The following NKAIN2 variants were observed in gnomAD, a reference collection of about 807,000 sequenced individuals.
NKAIN2 encodes the protein sodium/potassium-transporting ATPase subunit beta-1-interacting protein 2.
A neutral mutation model predicts 32.6 loss-of-function variants in NKAIN2; 14 were observed. The ratio of observed to expected loss-of-function variants is 0.43; its 90% CI spans 0.28 to 0.67. The LOEUF is 0.67. NKAIN2 is among the 30% of genes least tolerant of loss of function. The probability of loss-of-function intolerance (pLI) is 0.17; values close to 1 mark genes in which losing one functional copy is unlikely to be tolerated. For missense variants in NKAIN2, 198 were observed against 258.3 expected (o/e 0.77, Z 1.60); for synonymous variants, 80 against 87.2 (o/e 0.92, Z 0.46).
At chr6:124,460,838 G>A (rs1776503768) in intron 3 of NKAIN2, among the ~76,000 whole-genome samples, 1 of 151,084 alleles carries the variant, frequency 6.6e-6, no homozygotes, top group Non-Finnish European at 1.5e-5. Context: ...TTACCCTTTG[G>A]AATATTTTAT....
intron 3 of NKAIN2, among the ~76,000 whole-genome samples, chr6:124,612,612 T>C (rs1472202227): frequency 5.3e-5 from 8 of 152,220 alleles, no homozygotes; most frequent in African/African-American, 1.9e-4. Flanking sequence ...ACTTACATAT[T>C]GTATGGCTCA....
At chr6:123,959,285 C>T (rs938420142) in intron 1 of NKAIN2, among the ~76,000 whole-genome samples, 1 of 152,122 alleles carries the variant, frequency 6.6e-6, no homozygotes, top group Admixed American at 6.5e-5. Context: ...TCTTTAATAT[C>T]ATGGAGCCAT....
At chr6:123,821,646 G>A (rs1318839044) in intron 1 of NKAIN2, among the ~76,000 whole-genome samples, 4 of 152,262 alleles carry the variant, frequency 2.6e-5, no homozygotes, top group Middle Eastern at 3.4e-3. Context: ...TATACTGTGA[G>A]GGAGGCCTAT....
intron 3 of NKAIN2, among the ~76,000 whole-genome samples, chr6:124,358,936 A>G (rs1319409540): frequency 3.2e-4 from 49 of 150,940 alleles, no homozygotes; most frequent in Non-Finnish European, 6.3e-4. Flanking sequence ...ATCCATCTTG[A>G]ATTAATTTTT....
intron 1 of NKAIN2, among the ~76,000 whole-genome samples, chr6:124,244,170 A>G (rs895359358): frequency 4.9e-4 from 74 of 151,200 alleles, no homozygotes; most frequent in African/African-American, 1.8e-3. Context: ...TACATGTGCC[A>G]TGCTGGTGCG....
chr6:124,778,328 A>G (rs1224450861), intron 4 of NKAIN2, among the ~76,000 whole-genome samples: 1 of 151,964 alleles, frequency 6.6e-6, no homozygotes, highest in East Asian at 1.9e-4. Context: ...TTCTTATAGC[A>G]CTTGATAGCA....
intron 1 of NKAIN2, among the ~76,000 whole-genome samples, chr6:123,869,023 C>T (rs932457700): frequency 6.6e-6 from 1 of 152,180 alleles, no homozygotes; most frequent in South Asian, 2.1e-4. Flanking sequence ...GATTGGTCAT[C>T]TTTAAATCCT....
rs533594070 is a variant in NKAIN2, at chr6:124,299,764, C to T, written c.192+16622C>T. 2.0e-5 allele frequency among the ~76,000 whole-genome samples: 3 copies of T among 152,250 alleles called. 1 individual carries two copies. The South Asian group carries it at 6.2e-4, about 32-fold the overall frequency. Reference sequence around the variant, plus strand: ...TGAATAAGTACAAAAGTTAATTAGACTGAATTTAATTGTTCACTGAATGTT... The same window carrying T: ...TGAATAAGTACAAAAGTTAATTAGATTGAATTTAATTGTTCACTGAATGTT... On this transcript the variant is annotated intron_variant, in intron 2 of 6. Coordinates refer to ENST00000368417, the MANE Select transcript of NKAIN2 (RefSeq NM_001040214.3).
Position 124,054,893 on chromosome 6 carries a change from T to C in NKAIN2, c.55-228112T>C, listed in dbSNP as rs537363164. Among the ~76,000 whole-genome samples, 3 of 152,152 alleles carry C rather than the reference T, an allele frequency of 2.0e-5. No homozygotes were observed. In the East Asian group the frequency reaches 5.8e-4, roughly 29 times the overall value. On this transcript the variant is annotated intron_variant, in intron 1 of 6. Transcript: ENST00000368417. ...TAATCAACACTTCCCAAAGGTTCTA[T>C]CACTTATGATTAAAAGTACCCTGAC...
intron 1 of NKAIN2, among the ~76,000 whole-genome samples, chr6:124,025,793 C>T (rs567951287): frequency 1.3e-5 from 2 of 152,242 alleles, no homozygotes; most frequent in East Asian, 3.9e-4. Context: ...AAGAAAACAA[C>T]ACCTTAGCAT....
intron 1 of NKAIN2, among the ~76,000 whole-genome samples, chr6:123,808,690 A>T (rs571385930): frequency 6.6e-6 from 1 of 152,262 alleles, no homozygotes; most frequent in Non-Finnish European, 1.5e-5. Context: ...GATGGGCAGC[A>T]TTTTTTCTGC....
chr6:124,215,109 A>G (rs1791398849), intron 1 of NKAIN2, among the ~76,000 whole-genome samples: 1 of 152,204 alleles, frequency 6.6e-6, no homozygotes, highest in Non-Finnish European at 1.5e-5. Flanking sequence ...TTAAAAAAAC[A>G]ATAATCATGG....
At chr6:123,880,006 C>T (rs927845182) in intron 1 of NKAIN2, among the ~76,000 whole-genome samples, 3 of 152,132 alleles carry the variant, frequency 2.0e-5, no homozygotes, top group Non-Finnish European at 1.5e-5. Context: ...ATGGATAGAG[C>T]AAATTCAATA....
chr6:124,815,139 G>A (rs1462681705), intron 5 of NKAIN2, among the ~76,000 whole-genome samples: 1 of 149,922 alleles, frequency 6.7e-6, no homozygotes, highest in Admixed American at 6.7e-5. Context: ...CCTTAATTTA[G>A]TCTCATTGTC....
intron 3 of NKAIN2, among the ~76,000 whole-genome samples, chr6:124,459,908 A>G (rs1464573979): frequency 6.6e-6 from 1 of 151,678 alleles, no homozygotes; most frequent in Non-Finnish European, 1.5e-5. Flanking sequence ...GTGACCATTT[A>G]TTTTACGTAG....
Position 124,155,954 on chromosome 6 carries a change from C to T in NKAIN2, c.55-127051C>T, listed in dbSNP as rs76250106. On this transcript the variant is annotated intron_variant, in intron 1 of 6. Transcript: ENST00000368417. The stretch of plus-strand genomic sequence containing the variant: ...CCCAGAGATGCAAATGCTGGGAAGA[C>T]AGAGAATGGAAAAAAAAAAAAAAAG... Among the ~76,000 whole-genome samples the T allele has an allele frequency of 3.7e-5, 5 of 135,922 alleles. No homozygotes were observed. The East Asian group carries it at 1.0e-3, about 28-fold the overall frequency. The allele number at this position is 135,922 out of a possible 152,430, so 89.2% of individuals were successfully genotyped here.
intron 1 of NKAIN2, among the ~76,000 whole-genome samples, chr6:123,892,087 G>C (rs537319178): frequency 2.0e-5 from 3 of 152,056 alleles, no homozygotes; most frequent in African/African-American, 7.2e-5. Flanking sequence ...TTTTCTCAGA[G>C]AAAGAAAAAA....
At chr6:124,305,750 T>G (rs1796482702) in intron 2 of NKAIN2, among the ~76,000 whole-genome samples, 1 of 152,206 alleles carries the variant, frequency 6.6e-6, no homozygotes, top group Non-Finnish European at 1.5e-5. Flanking sequence ...TTAGACATTT[T>G]CTTGCTGTTA....
chr6:124,000,598 T>C (rs1410086751), intron 1 of NKAIN2, among the ~76,000 whole-genome samples: 1 of 152,014 alleles, frequency 6.6e-6, no homozygotes, highest in South Asian at 2.1e-4. Context: ...TGTGGATAAT[T>C]TTTTCCCTAT....
Sources: allele counts gnomAD v4.1 joint callset (sites outside exome capture counted in the v4.1 genomes callset), GRCh38; gene constraint gnomAD v4.1.1; transcripts MANE v1.5; gene names NCBI Gene and HGNC (gene_info 2026-07-23, HGNC 2026-07-21).